The following C2CD3 variants were observed in gnomAD, a reference collection of about 807,000 sequenced individuals.
C2CD3 encodes the protein C2 domain containing 3 centriole elongation regulator, also known as C2 domain-containing protein 3.
A neutral mutation model predicts 234.0 loss-of-function variants in C2CD3; 148 were observed. That is an observed-to-expected ratio of 0.63 (90% confidence interval 0.55 to 0.72). The LOEUF is 0.72. Ranked by LOEUF, C2CD3 falls within the 30% of genes least tolerant of loss-of-function variation. The pLI is 0.00. For missense variants in C2CD3, 2,577 were observed against 2,811.5 expected (o/e 0.92, Z 1.89); for synonymous variants, 1,000 against 1,035.4 (o/e 0.97, Z 0.66).
chr11:74,126,509 G>A (rs552992086), intron 7 of C2CD3, among the ~76,000 whole-genome samples: 10 of 152,236 alleles, frequency 6.6e-5, no homozygotes, highest in East Asian at 3.9e-4. Flanking sequence ...TTGGGAGGCC[G>A]AGGCCGGCGG....
Position 74,028,410 on chromosome 11 carries a change from G to A in C2CD3, c.6810-12C>T, listed in dbSNP as rs568447423. 2 of 1,518,118 alleles carry A rather than the reference G, an allele frequency of 1.3e-6. No homozygotes were observed. The highest frequency in any genetic ancestry group is 2.4e-5 in the South Asian group (2 of 83,330). The allele number at this position is 1,518,118 out of a possible 1,614,324, so 94.0% of individuals were successfully genotyped here. A position where few individuals can be genotyped will look rare whatever the true frequency, so the allele number is the denominator to read the frequency against. ...CAATGGGCCCTGGGCTACAATGGTA[G>A]TTAAGGGACAAAAATACCTAGAAGT... On this transcript the variant is annotated splice_polypyrimidine_tract_variant and intron_variant, in intron 31 of 32. Transcript: ENST00000334126.
At chr11:74,102,508 G>A (rs556694168) in intron 14 of C2CD3, among the ~76,000 whole-genome samples, 56 of 152,344 alleles carry the variant, frequency 3.7e-4, no homozygotes, top group African/African-American at 1.3e-3. Context: ...TAGATGTGAT[G>A]ACCATGGGGA....
rs1555060957 is a variant in C2CD3 at position 74,146,715 on chromosome 11, C to CAT, written c.484-6888_484-6887insAT. ...CTACAAGGCTAAAAGTCAAACCACA[C>CAT]ACACACACACACACACACACACACA... On this transcript the variant is annotated intron_variant, in intron 3 of 32. Transcript: ENST00000334126. Among the ~76,000 whole-genome samples the CAT allele has an allele frequency of 7.8e-4, 85 of 108,682 alleles. 1 individual carries two copies. The highest frequency in any genetic ancestry group is 4.2e-3 in the African/African-American group (83 of 19,676). The allele number at this position is 108,682 out of a possible 152,430, so 71.3% of individuals were successfully genotyped here. A position where few individuals can be genotyped will look rare whatever the true frequency, so the allele number is the denominator to read the frequency against.
At chr11:74,135,173 T>TCCC (rs1194645480) in intron 5 of C2CD3, among the ~76,000 whole-genome samples, 1 of 150,806 alleles carries the variant, frequency 6.6e-6, no homozygotes, top group African/African-American at 2.4e-5. Flanking sequence ...TACCCCAAGA[T>TCCC]CCCCATTGCC....
At chr11:74,122,093 A>G (rs1392696945) in intron 8 of C2CD3, among the ~76,000 whole-genome samples, 1 of 152,206 alleles carries the variant, frequency 6.6e-6, no homozygotes, top group African/African-American at 2.4e-5. Context: ...ATTGGCTGCA[A>G]TGTGCCAGCC....
intron 28 of C2CD3, among the ~76,000 whole-genome samples, chr11:74,042,480 T>TG (rs1953114756): frequency 6.6e-6 from 1 of 151,754 alleles, no homozygotes; most frequent in Non-Finnish European, 1.5e-5. Context: ...TGGCCGGGGG[T>TG]GGTGACTCAC....
rs565202686 is a variant in C2CD3, at chr11:74,149,886, T to C, written c.484-10058A>G. 3.3e-5 allele frequency among the ~76,000 whole-genome samples: 5 copies of C among 152,276 alleles called. No homozygotes were observed. The South Asian group carries it at 6.2e-4, about 19-fold the overall frequency. Reference sequence around the variant, plus strand: ...CAAAAACTTCATTCTACTCTTACACTAGATAGTTTGCCTAGAGAGACAGAA... The same window carrying C: ...CAAAAACTTCATTCTACTCTTACACCAGATAGTTTGCCTAGAGAGACAGAA... On this transcript the variant is annotated intron_variant, in intron 3 of 32. Coordinates refer to ENST00000334126, the MANE Select transcript of C2CD3 (RefSeq NM_001286577.2).
intron 31 of C2CD3, among the ~76,000 whole-genome samples, chr11:74,028,625 C>T (rs556731991): frequency 5.3e-5 from 8 of 152,340 alleles, no homozygotes; most frequent in Non-Finnish European, 1.0e-4. Flanking sequence ...CTCTAGGAAG[C>T]TTTCTCTTAA....
At chr11:74,111,971 T>C (rs1726736) in intron 11 of C2CD3, among the ~76,000 whole-genome samples, 4,578 of 80,090 alleles carry the variant, frequency 0.057, 77 homozygotes, top group African/African-American at 0.087. Flanking sequence ...CACACACACA[T>C]ATATATATAC....
intron 23 of C2CD3, among the ~76,000 whole-genome samples, chr11:74,076,428 G>A (rs1955045289): frequency 6.6e-6 from 1 of 152,176 alleles, no homozygotes. Flanking sequence ...GCTGAATAAA[G>A]ATCATATTTG....
At chr11:74,167,481 C>G (rs1296342728) in intron 2 of C2CD3, among the ~76,000 whole-genome samples, 1 of 152,154 alleles carries the variant, frequency 6.6e-6, no homozygotes, top group Non-Finnish European at 1.5e-5. Context: ...ATGTGCTAAA[C>G]ATATTTTTTG....
chr11:74,042,126 G>A lies in C2CD3; in HGVS notation c.5588C>T (p.Ala1863Val). The A allele has an allele frequency of 6.2e-7, 1 of 1,613,620 alleles. No individual in the cohort carries two copies. Among genetic ancestry groups the A allele is most frequent in the Non-Finnish European group, 8.5e-7 (1 of 1,179,948 alleles). ...FHESLHLQGE[A>V]PLPCDDKLTT... ...CAGTTTGTCATCACATGGCAAGGGT[G>A]CCTCTCCCTGAAGATGCAGGGATTC... Residue 1863 changes from alanine (A) to valine (V), a missense_variant, in exon 29 of 33, where the codon GCA (alanine) becomes GTA (valine). By Grantham distance (64) the Ala-to-Val change is moderately conservative (BLOSUM62 0). Coordinates refer to ENST00000334126, the MANE Select transcript of C2CD3 (RefSeq NM_001286577.2).
At chr11:74,118,478 C>T in intron 8 of C2CD3, 96 bp from the exon 9 acceptor site, 1 of 797,584 alleles carries the variant, frequency 1.3e-6, no homozygotes, top group Admixed American at 2.4e-5. Flanking sequence ...CTTCTCTGTA[C>T]ATACATCATT....
chr11:74,166,971 C>A (rs1304359837), intron 2 of C2CD3, among the ~76,000 whole-genome samples: 1 of 152,142 alleles, frequency 6.6e-6, no homozygotes, highest in African/African-American at 2.4e-5. Flanking sequence ...AGTCCTGAAG[C>A]CAGAGTTCAA....
At position 74,103,247 on chromosome 11, in the gene C2CD3, A is replaced by T; in HGVS notation, c.2464T>A (p.Ser822Thr). 6.2e-7 allele frequency: 1 copy of T among 1,614,220 alleles called. No individual in the cohort carries two copies. The highest frequency in any genetic ancestry group is 8.5e-7 in the Non-Finnish European group (1 of 1,180,026). The stretch of plus-strand genomic sequence containing the variant: ...ACATTGCATGGTGATTGTTTCTCAG[A>T]TTCTCCACTAATAAAATCTTTCCCA... ...PDGKDFISGE[S>T]EKQSPCNVYL... The change falls in exon 14 of 33, where the codon TCT becomes ACT. Residue 822 changes from serine to threonine, a missense_variant. Coordinates refer to ENST00000334126, the MANE Select transcript of C2CD3 (RefSeq NM_001286577.2).
intron 20 of C2CD3, among the ~76,000 whole-genome samples, chr11:74,088,432 T>C (rs1955748624): frequency 6.6e-6 from 1 of 152,196 alleles, no homozygotes; most frequent in South Asian, 2.1e-4. Flanking sequence ...TTGTCTCACA[T>C]CCTGTGAACC....
At chr11:74,103,017 T>C in intron 14 of C2CD3, 114 bp downstream of exon 14, 1 of 1,046,530 alleles carries the variant, frequency 9.6e-7, no homozygotes, top group Non-Finnish European at 1.4e-6. Context: ...ACCAGATAAT[T>C]ACGAAGGTTC....
chr11:74,013,625 T>C (rs1951772079), intron 32 of C2CD3, 100 bp from the exon 33 acceptor site: 1 of 711,894 alleles, frequency 1.4e-6, no homozygotes, highest in Non-Finnish European at 2.0e-6. Context: ...TTAATATTTA[T>C]GTAGAGCTGC....
intron 7 of C2CD3, among the ~76,000 whole-genome samples, chr11:74,131,476 T>C (rs1315540892): frequency 6.6e-6 from 1 of 152,182 alleles, no homozygotes; most frequent in Non-Finnish European, 1.5e-5. Context: ...ATTATTTTTA[T>C]ATGTTGCTGG....
Sources: allele counts gnomAD v4.1 joint callset (sites outside exome capture counted in the v4.1 genomes callset), GRCh38; gene constraint gnomAD v4.1.1; transcripts MANE v1.5; gene names NCBI Gene and HGNC (gene_info 2026-07-23, HGNC 2026-07-21).